MYOM3: variants seen among roughly 807,000 people sequenced by gnomAD.
The protein encoded by MYOM3 is myomesin-3.
Under a neutral mutation model 191.7 loss-of-function variants are expected in MYOM3, and 155 were observed. The observed-to-expected ratio is 0.81, with a 90% CI of 0.71 to 0.92. The LOEUF is 0.92. MYOM3 is among the 40% of genes least tolerant of loss of function. The pLI, the probability that MYOM3 is intolerant of heterozygous loss-of-function variation, is 0.00. For missense variants in MYOM3, 1,889 were observed against 1,890.6 expected (o/e 1.00, Z 0.02); for synonymous variants, 757 against 762.9 (o/e 0.99, Z 0.13).
In MYOM3 at chr1:24,111,197, C is replaced by T. The variant is rs142155425; in HGVS notation, c.-19+834G>A. Among the ~76,000 whole-genome samples the T allele has an allele frequency of 3.6e-3, 549 of 152,352 alleles. 5 individuals are homozygous for T. Among genetic ancestry groups the T allele is most frequent in the Middle Eastern group, 0.027 (8 of 294 alleles). On this transcript the variant is annotated intron_variant, in intron 1 of 36. Coordinates refer to ENST00000374434, the MANE Select transcript of MYOM3 (RefSeq NM_152372.4). This position sits in a 1 kb window ranked among gnomAD's most constrained non-coding sequence, Gnocchi z 4.7. Reference sequence around the variant, plus strand: ...TGTGTGTGCCTGCGTGGAGGGGAAACTGCCCCCGCTTCCCTCTCTTGGGGT... The same window carrying T: ...TGTGTGTGCCTGCGTGGAGGGGAAATTGCCCCCGCTTCCCTCTCTTGGGGT...
At chr1:24,109,428 A>C (rs1276566778) in intron 1 of MYOM3, among the ~76,000 whole-genome samples, 1 of 152,198 alleles carries the variant, frequency 6.6e-6, no homozygotes, top group Non-Finnish European at 1.5e-5. Context: ...TATTTTTCTA[A>C]GAAGCCTTGC....
In MYOM3 at chr1:24,076,507, C is replaced by CTTTTTTTTTT. The variant is rs558326490; in HGVS notation, c.2587-244_2587-235dup. On this transcript the variant is annotated intron_variant, in intron 20 of 36. Coordinates refer to ENST00000374434, the MANE Select transcript of MYOM3 (RefSeq NM_152372.4). Reference sequence around the variant, plus strand: ...CATCTGTTTTATTTCCCTAATGTTTCTTTTTTTTTTTTTTTTTTTTTTTTG... The same window carrying CTTTTTTTTTT: ...CATCTGTTTTATTTCCCTAATGTTTCTTTTTTTTTTTTTTTTTTTTTTTTTTTTTTTTTTG... Among the ~76,000 whole-genome samples, 111 of 49,100 alleles carry CTTTTTTTTTT rather than the reference C, an allele frequency of 2.3e-3. 1 individual carries two copies. Among genetic ancestry groups the CTTTTTTTTTT allele is most frequent in the Admixed American group, 3.1e-3 (9 of 2,890 alleles). The allele number at this position is 49,100 out of a possible 152,430, so 32.2% of individuals were successfully genotyped here. A position where few individuals can be genotyped will look rare whatever the true frequency, so the allele number is the denominator to read the frequency against.
Position 24,074,216 on chromosome 1 carries a change from A to T in MYOM3, c.2912T>A (p.Val971Asp). 6.2e-7 allele frequency: 1 copy of T among 1,614,062 alleles called. No homozygotes were observed. Among genetic ancestry groups the T allele is most frequent in the Non-Finnish European group, 8.5e-7 (1 of 1,179,994 alleles). ...PGLEDLGTYS[V>D]IVTDADEDIS... ...GTCTTCATCGGCATCAGTGACTATG[A>T]CTGAGTAGGTGCCCAAATCCTCGAG... is the stretch of plus-strand genomic sequence containing the variant. The change falls in exon 23 of 37, where the codon GTC (valine) becomes GAC (aspartate). Residue 971 changes from valine (V) to aspartate (D), a missense_variant. Val to Asp is a radical substitution (Grantham distance 152, BLOSUM62 -3). Coordinates refer to ENST00000374434, the MANE Select transcript of MYOM3 (RefSeq NM_152372.4).
intron 25 of MYOM3, among the ~76,000 whole-genome samples, chr1:24,069,141 A>G (rs1268546359): frequency 1.3e-5 from 2 of 152,346 alleles, no homozygotes; most frequent in East Asian, 3.9e-4. Flanking sequence ...ACATTTTACC[A>G]TATTCTAACA....
intron 23 of MYOM3, 45 bp downstream of exon 23, chr1:24,074,115 A>ACT: frequency 6.7e-7 from 1 of 1,481,520 alleles, no homozygotes; most frequent in Non-Finnish European, 9.4e-7. Flanking sequence ...TGTGTTTGGG[A>ACT]CTCTCTCTCT....
rs182451227 is a variant in MYOM3 at position 24,094,240 on chromosome 1, C to T, written c.928+613G>A. Among the ~76,000 whole-genome samples, 149 of 148,846 alleles carry T rather than the reference C, an allele frequency of 1.0e-3. 1 individual carries two copies. The highest frequency in any genetic ancestry group is 2.9e-3 in the African/African-American group (118 of 40,152). ...AGGCTGGAGTGCAATGGTGCCATCT[C>T]GGCTCACTGCGACCTCTGCCTCCTG... On this transcript the variant is annotated intron_variant, in intron 9 of 36. Coordinates refer to ENST00000374434, the MANE Select transcript of MYOM3 (RefSeq NM_152372.4).
chr1:24,061,105 AG>A, intron 34 of MYOM3, 23 bp from the exon 35 acceptor site: 1 of 1,614,174 alleles, frequency 6.2e-7, no homozygotes, highest in South Asian at 1.1e-5. Context: ...AATGGGAACA[AG>A]GTGTGACATT....
chr1:24,071,700 A>T (rs1281137276), intron 24 of MYOM3, among the ~76,000 whole-genome samples: 2 of 152,214 alleles, frequency 1.3e-5, no homozygotes, highest in Non-Finnish European at 2.9e-5. Flanking sequence ...GGTTTAGACG[A>T]TCCCAAATCC....
chr1:24,107,249 C>A lies in MYOM3; in HGVS notation c.243-17G>T. On this transcript the variant is annotated splice_polypyrimidine_tract_variant and intron_variant, in intron 3 of 36. Transcript: ENST00000374434. ...TGGGCTTCCCTGCCGTGACAGAGGC[C>A]ATCGGGGCTCAGGCAGGGATGGGGG... The A allele has an allele frequency of 6.3e-7, 1 of 1,583,018 alleles. No homozygotes were observed. Among genetic ancestry groups the A allele is most frequent in the East Asian group, 2.3e-5 (1 of 43,546 alleles).
At position 24,089,562 on chromosome 1, in the gene MYOM3, T is replaced by G; in HGVS notation, c.1590A>C (p.Ala530=). Reference sequence around the variant, plus strand: ...CCTTCTCCAGGGAGTACGTCAGTGGTGCTCTGTCCCGGGGGCTGGGCTCCT... The same window carrying G: ...CCTTCTCCAGGGAGTACGTCAGTGGGGCTCTGTCCCGGGGGCTGGGCTCCT... ...AWEEPSPRDR[A]PLTYSLEKSV... The change falls in exon 14 of 37, where the codon GCA becomes GCC. Residue 530 remains alanine, a synonymous_variant. Coordinates refer to ENST00000374434, the MANE Select transcript of MYOM3 (RefSeq NM_152372.4). 1 of 1,601,496 alleles carries G rather than the reference T, an allele frequency of 6.2e-7. No homozygotes were observed. The highest frequency in any genetic ancestry group is 8.5e-7 in the Non-Finnish European group (1 of 1,174,324).
At chr1:24,096,564 C>A (rs1384110558) in intron 7 of MYOM3, among the ~76,000 whole-genome samples, 1 of 152,206 alleles carries the variant, frequency 6.6e-6, no homozygotes, top group Non-Finnish European at 1.5e-5. Context: ...GCAGGATCTG[C>A]CTCCTAAGAG....
At chr1:24,075,609 A>C in intron 21 of MYOM3, 134 bp from the exon 22 acceptor site, 1 of 899,482 alleles carries the variant, frequency 1.1e-6, no homozygotes, top group Non-Finnish European at 1.6e-6. Flanking sequence ...GTGGCTGCCA[A>C]GGCCTTGCAG....
chr1:24,067,773 A>C (rs1484241595), intron 27 of MYOM3, among the ~76,000 whole-genome samples, 197 bp downstream of exon 27: 1 of 151,874 alleles, frequency 6.6e-6, no homozygotes, highest in Non-Finnish European at 1.5e-5. Context: ...CAGGGTGCAA[A>C]ATTTAAGAGG....
intron 13 of MYOM3, 55 bp downstream of exon 13, chr1:24,090,010 C>T: frequency 1.9e-6 from 3 of 1,563,646 alleles, no homozygotes; most frequent in Non-Finnish European, 2.6e-6. Context: ...CAGCTCATGT[C>T]CCAGAGTTTT....
chr1:24,064,202 A>T lies in MYOM3; in HGVS notation c.3535-43T>A, dbSNP rs1189490312. The T allele has an allele frequency of 2.6e-6, 4 of 1,515,354 alleles. No individual in the cohort carries two copies. In the South Asian group the frequency reaches 3.4e-5, roughly 13 times the overall value. The allele number at this position is 1,515,354 out of a possible 1,614,324, so 93.9% of individuals were successfully genotyped here. A position where few individuals can be genotyped will look rare whatever the true frequency, so the allele number is the denominator to read the frequency against. ...CGATGGTGGTGTCAGCATGGGCTCC[A>T]GAAGGAGAGATGGATACCAAATCCG... is the stretch of plus-strand genomic sequence containing the variant. On this transcript the variant is annotated intron_variant, in intron 29 of 36. Coordinates refer to ENST00000374434, the MANE Select transcript of MYOM3 (RefSeq NM_152372.4).
At chr1:24,105,294 G>A (rs1643972889) in intron 5 of MYOM3, among the ~76,000 whole-genome samples, 1 of 152,264 alleles carries the variant, frequency 6.6e-6, no homozygotes, top group Non-Finnish European at 1.5e-5. Context: ...GGCAGTTTAA[G>A]AGGCATGGCT....
chr1:24,094,026 C>A lies in MYOM3; in HGVS notation c.928+827G>T, dbSNP rs192336186. On this transcript the variant is annotated intron_variant, in intron 9 of 36. Transcript: ENST00000374434. The stretch of plus-strand genomic sequence containing the variant: ...ACATCCCCAGAGGCCTCCCAGCCCA[C>A]GGGTCAGCAACTGTATCTGCACCAC... Among the ~76,000 whole-genome samples the A allele has an allele frequency of 1.4e-3, 218 of 152,260 alleles. 3 individuals are homozygous for A. Among genetic ancestry groups the A allele is most frequent in the African/African-American group, 4.4e-3 (184 of 41,558 alleles).
rs748365527 is a variant in MYOM3, at chr1:24,057,424, G to A, written c.4254C>T (p.Gly1418=). The A allele has an allele frequency of 6.2e-7, 1 of 1,614,110 alleles. No homozygotes were observed. Among genetic ancestry groups the A allele is most frequent in the South Asian group, 1.1e-5 (1 of 91,074 alleles). Residue 1418 remains glycine, a synonymous_variant, in exon 37 of 37, where the codon GGC becomes GGT. Coordinates refer to ENST00000374434, the MANE Select transcript of MYOM3 (RefSeq NM_152372.4). ...GCTTGAACACACTGATGGTGACCTG[G>A]CCCGTCTCGGAGCCATACTTGTTCT... ...FVKNKYGSET[G]QVTISVFKHG...
intron 3 of MYOM3, among the ~76,000 whole-genome samples, chr1:24,107,790 A>G (rs924046702): frequency 2.6e-5 from 4 of 152,126 alleles, no homozygotes; most frequent in Admixed American, 1.3e-4. Flanking sequence ...CCCCGCTATG[A>G]CACGTGCACC....
Sources: gnomAD v4.1 joint callset for allele counts (sites outside exome capture counted in the v4.1 genomes callset) on GRCh38, gnomAD v4.1.1 for gene constraint, Gnocchi (gnomAD v3.1) non-coding constraint, MANE v1.5 for transcripts, NCBI Gene and HGNC (gene_info 2026-07-23, HGNC 2026-07-21) for gene names.